DLC1: variants seen among roughly 807,000 people sequenced by gnomAD.
DLC1 encodes the protein DLC1 Rho GTPase activating protein, also known as rho GTPase-activating protein 7.
Under a neutral mutation model 140.3 loss-of-function variants are expected in DLC1, and 54 were observed. The observed-to-expected ratio is 0.38, with a 90% CI of 0.31 to 0.48. The LOEUF (loss-of-function observed/expected upper bound fraction) is 0.48. Among genes scored for constraint, DLC1 ranks in the 20% least tolerant of loss-of-function variants. DLC1 has a pLI of 0.96. For missense variants in DLC1, 2,536 were observed against 1,907.0 expected, an observed-to-expected ratio of 1.33 and a Z score of -6.14; for synonymous variants, 986 against 728.1, an observed-to-expected ratio of 1.35 and a Z score of -5.70.
intron 5 of DLC1, among the ~76,000 whole-genome samples, chr8:13,299,672 C>G (rs953942488): frequency 1.3e-5 from 2 of 151,962 alleles, no homozygotes; most frequent in African/African-American, 4.8e-5. Context: ...TAGAAAATAT[C>G]AGAAGTATAT....
At chr8:13,487,213 GC>G (rs1801008592) in intron 2 of DLC1, among the ~76,000 whole-genome samples, 1 of 152,168 alleles carries the variant, frequency 6.6e-6, no homozygotes, top group African/African-American at 2.4e-5. Context: ...GCAAAATATT[GC>G]ATTTCCAGTT....
At chr8:13,088,832 T>G (rs556470593) in intron 15 of DLC1, 128 bp from the exon 16 acceptor site, 1 of 691,516 alleles carries the variant, frequency 1.4e-6, no homozygotes, top group East Asian at 2.7e-5. Flanking sequence ...ATGATATAAA[T>G]AATACTATAT....
intron 5 of DLC1, among the ~76,000 whole-genome samples, chr8:13,165,749 A>G (rs1393973991): frequency 6.6e-6 from 1 of 152,100 alleles, no homozygotes; most frequent in Non-Finnish European, 1.5e-5. Context: ...AAAAGGGCCG[A>G]CCACACATGA....
intron 5 of DLC1, among the ~76,000 whole-genome samples, chr8:13,135,061 C>T (rs778882432): frequency 6.6e-6 from 1 of 152,028 alleles, no homozygotes; most frequent in Admixed American, 6.6e-5. Flanking sequence ...GTGTGGGAGC[C>T]GGAGGAGCTG....
intron 5 of DLC1, chr8:13,132,955 A>C: frequency 6.2e-7 from 1 of 1,610,656 alleles, no homozygotes; most frequent in Non-Finnish European, 8.5e-7. Flanking sequence ...TGTTAGGATC[A>C]TGGTGTCCGG....
chr8:13,489,907 A>G (rs1182364150), intron 2 of DLC1, among the ~76,000 whole-genome samples: 2 of 152,218 alleles, frequency 1.3e-5, no homozygotes, highest in African/African-American at 4.8e-5. Context: ...AATTCTGGTT[A>G]AAAAATACCA....
chr8:13,443,592 A>G (rs1160872336), intron 2 of DLC1, among the ~76,000 whole-genome samples: 1 of 146,930 alleles, frequency 6.8e-6, no homozygotes, highest in Non-Finnish European at 1.5e-5. Context: ...CCAGAGGCGG[A>G]GCTTGCAGTG....
chr8:13,413,121 G>C (rs1837865041), intron 2 of DLC1, among the ~76,000 whole-genome samples: 1 of 151,914 alleles, frequency 6.6e-6, no homozygotes, highest in African/African-American at 2.4e-5. Context: ...GTGTTCTATA[G>C]AGAGTTTGCT....
chr8:13,152,459 A>T (rs1366872643), intron 5 of DLC1, among the ~76,000 whole-genome samples: 2 of 152,208 alleles, frequency 1.3e-5, no homozygotes, highest in African/African-American at 4.8e-5. Context: ...TATTTAGTGG[A>T]TTATGAATTA....
intron 2 of DLC1, among the ~76,000 whole-genome samples, chr8:13,495,159 A>C (rs1801443310): frequency 6.6e-6 from 1 of 152,238 alleles, no homozygotes; most frequent in African/African-American, 2.4e-5. Flanking sequence ...ACATATGTTC[A>C]GACATTTATA....
intron 4 of DLC1, among the ~76,000 whole-genome samples, chr8:13,305,658 G>A (rs549349103): frequency 1.3e-5 from 2 of 152,266 alleles, no homozygotes; most frequent in Admixed American, 1.3e-4. Context: ...ACAACATGGT[G>A]AAACCCCATC....
chr8:13,297,632 G>A (rs1010256123), intron 5 of DLC1, among the ~76,000 whole-genome samples: 1 of 152,140 alleles, frequency 6.6e-6, no homozygotes, highest in Non-Finnish European at 1.5e-5. Context: ...AGCCTAGTGG[G>A]AGAGACAGCA....
At chr8:13,254,966 CT>C (rs33978356) in intron 5 of DLC1, among the ~76,000 whole-genome samples, 1 of 150,372 alleles carries the variant, frequency 6.7e-6, no homozygotes, top group Admixed American at 6.6e-5. Context: ...TTAAAGTACT[CT>C]TTTTTTTTCT....
At chr8:13,132,850 A>C (rs1010946264) in intron 5 of DLC1, 2 of 1,455,938 alleles carry the variant, frequency 1.4e-6, no homozygotes, top group Non-Finnish European at 1.9e-6. Context: ...ACAGGCACCG[A>C]CTTGACAAGG....
At chr8:13,364,820 G>A (rs781416964) in intron 4 of DLC1, among the ~76,000 whole-genome samples, 14 of 152,170 alleles carry the variant, frequency 9.2e-5, no homozygotes, top group East Asian at 1.9e-4. Context: ...AAGGAAAGTC[G>A]TCTCATATTT....
chr8:13,092,900 A>T lies in DLC1; in HGVS notation c.3527-75T>A, dbSNP rs944004237. The stretch of plus-strand genomic sequence containing the variant: ...ATTGCAAGGAAATGTCCCAGAGCAA[A>T]TATCGGCATCAAATACCTCAGCCCA... On this transcript the variant is annotated intron_variant, in intron 12 of 17. Coordinates refer to ENST00000276297, the MANE Select transcript of DLC1 (RefSeq NM_182643.3). 3.3e-6 allele frequency: 5 copies of T among 1,493,394 alleles called. No homozygotes were observed. The African/African-American group carries it at 6.9e-5, about 21-fold the overall frequency. The allele number at this position is 1,493,394 out of a possible 1,614,324, so 92.5% of individuals were successfully genotyped here. A position where few individuals can be genotyped will look rare whatever the true frequency, so the allele number is the denominator to read the frequency against.
At chr8:13,119,198 A>C (rs1257217273) in intron 5 of DLC1, among the ~76,000 whole-genome samples, 2 of 149,918 alleles carry the variant, frequency 1.3e-5, no homozygotes, top group Admixed American at 1.3e-4. Context: ...ACTGCATTCC[A>C]ACGTGAGCAA....
intron 5 of DLC1, among the ~76,000 whole-genome samples, chr8:13,128,397 C>G (rs1047142264): frequency 2.0e-5 from 3 of 152,124 alleles, no homozygotes; most frequent in Admixed American, 2.0e-4. Context: ...AGGGGACTCA[C>G]AAAAAATTTG....
chr8:13,590,770 G>A, intron 1 of DLC1, among the ~76,000 whole-genome samples: 1 of 152,082 alleles, frequency 6.6e-6, no homozygotes, highest in South Asian at 2.1e-4. Context: ...TTATTTAAAA[G>A]TTCTATAATT....
Sources: gnomAD v4.1 joint callset for allele counts (sites outside exome capture counted in the v4.1 genomes callset) on GRCh38, gnomAD v4.1.1 for gene constraint, MANE v1.5 for transcripts, NCBI Gene and HGNC (gene_info 2026-07-23, HGNC 2026-07-21) for gene names.